Variants in CPXM2 observed in about 807,000 individuals in gnomAD.
The protein encoded by CPXM2 is inactive carboxypeptidase-like protein X2.
CPXM2 carries 66 observed loss-of-function variants against 86.1 expected under a neutral mutation model. The ratio of observed to expected loss-of-function variants is 0.77; its 90% CI spans 0.63 to 0.94. The LOEUF (loss-of-function observed/expected upper bound fraction) is 0.94, where lower values mean the gene tolerates loss of function less well. Ranked by LOEUF, CPXM2 falls within the 40% of genes least tolerant of loss-of-function variation. CPXM2 has a pLI of 0.00. For synonymous variants in CPXM2, 388 were observed against 400.2 expected, an observed-to-expected ratio of 0.97 and a Z score of 0.36; for missense variants, 948 against 1,026.3, an observed-to-expected ratio of 0.92 and a Z score of 1.04.
intron 7 of CPXM2, among the ~76,000 whole-genome samples, chr10:123,778,351 C>T (rs1398216167): frequency 6.6e-6 from 1 of 152,144 alleles, no homozygotes; most frequent in Non-Finnish European, 1.5e-5. Flanking sequence ...TCCCAGGAGC[C>T]AGGAATCCAA....
intron 7 of CPXM2, among the ~76,000 whole-genome samples, chr10:123,772,007 A>C (rs1427627143): frequency 6.6e-6 from 1 of 152,218 alleles, no homozygotes; most frequent in Non-Finnish European, 1.5e-5. Flanking sequence ...ATGAGAATGA[A>C]GGAATACACC....
intron 2 of CPXM2, among the ~76,000 whole-genome samples, chr10:123,868,667 T>A (rs1237194640): frequency 1.3e-5 from 2 of 152,148 alleles, no homozygotes; most frequent in Non-Finnish European, 2.9e-5. Flanking sequence ...AAGGGCTTTT[T>A]AAGACACAAG....
chr10:123,934,944 A>G (rs997179782), intron 2 of CPXM2, among the ~76,000 whole-genome samples: 4 of 152,176 alleles, frequency 2.6e-5, no homozygotes, highest in African/African-American at 9.7e-5. Flanking sequence ...CTCATCATCT[A>G]AAATTACATG....
At chr10:123,862,798 C>T (rs922950428) in intron 2 of CPXM2, 75 bp from the exon 3 acceptor site, 2 of 1,330,424 alleles carry the variant, frequency 1.5e-6, no homozygotes, top group East Asian at 2.4e-5. Context: ...CTAAATCTGG[C>T]CGCGTGCTTT....
chr10:123,821,573 T>C lies in CPXM2; in HGVS notation c.653+20776A>G, dbSNP rs58816840. On this transcript the variant is annotated intron_variant, in intron 4 of 13. Coordinates refer to ENST00000241305, the MANE Select transcript of CPXM2 (RefSeq NM_198148.3). Reference sequence around the variant, plus strand: ...ACCGTGGAATGTCAATTTCCTCACATGTCAGGAAGGCAGGTATACCAATTG... The same window carrying C: ...ACCGTGGAATGTCAATTTCCTCACACGTCAGGAAGGCAGGTATACCAATTG... 8.7e-3 allele frequency among the ~76,000 whole-genome samples: 1,323 copies of C among 152,326 alleles called. 13 individuals are homozygous for C. Among genetic ancestry groups the C allele is most frequent in the African/African-American group, 0.031 (1,279 of 41,568 alleles).
At chr10:123,800,832 T>C (rs1021911570) in intron 4 of CPXM2, among the ~76,000 whole-genome samples, 1 of 152,240 alleles carries the variant, frequency 6.6e-6, no homozygotes, top group African/African-American at 2.4e-5. Context: ...TGAATCGTAA[T>C]TGTTTCTATG....
chr10:123,907,424 A>T (rs1216554330), intron 2 of CPXM2, among the ~76,000 whole-genome samples: 1 of 152,234 alleles, frequency 6.6e-6, no homozygotes, highest in Non-Finnish European at 1.5e-5. Context: ...GACAACACAC[A>T]GAGAAGCGGC....
At chr10:123,937,930 C>A (rs540213758) in intron 2 of CPXM2, among the ~76,000 whole-genome samples, 1 of 152,302 alleles carries the variant, frequency 6.6e-6, no homozygotes, top group African/African-American at 2.4e-5. Flanking sequence ...ATTTCTGGTG[C>A]TAGAGCCTTG....
In CPXM2 at chr10:123,768,525, C is replaced by T. The variant is rs562235853; in HGVS notation, c.1299+1G>A. 5.8e-5 allele frequency: 94 copies of T among 1,610,776 alleles called. 1 individual carries two copies. The South Asian group carries it at 9.8e-4, about 17-fold the overall frequency. On this transcript the variant is annotated splice_donor_variant, in intron 9 of 13. Coordinates refer to ENST00000241305, the MANE Select transcript of CPXM2 (RefSeq NM_198148.3). LOFTEE classifies it high-confidence loss of function. ...TGGGTGAGATGGGCCAGGGCCATTACCCCTTCGTAGGCCTTCTCGTAGCCA... is the reference window on the plus strand; with the variant it reads ...TGGGTGAGATGGGCCAGGGCCATTATCCCTTCGTAGGCCTTCTCGTAGCCA...
chr10:123,767,810 T>C (rs1329778170), intron 9 of CPXM2, among the ~76,000 whole-genome samples: 1 of 152,112 alleles, frequency 6.6e-6, no homozygotes, highest in Non-Finnish European at 1.5e-5. Context: ...ACACAAAATG[T>C]AAAGAACGTA....
intron 2 of CPXM2, among the ~76,000 whole-genome samples, chr10:123,909,446 A>G (rs1945471033): frequency 6.6e-6 from 1 of 152,224 alleles, no homozygotes; most frequent in African/African-American, 2.4e-5. Flanking sequence ...AAGGGAAAGC[A>G]GCTGTATAAT....
At chr10:123,866,104 C>CA (rs1431609840) in intron 2 of CPXM2, among the ~76,000 whole-genome samples, 5 of 152,126 alleles carry the variant, frequency 3.3e-5, no homozygotes. Context: ...TCCACCTTCC[C>CA]CAGGGCAGTC....
chr10:123,763,099 G>A (rs1042394703), intron 10 of CPXM2, among the ~76,000 whole-genome samples: 2 of 152,128 alleles, frequency 1.3e-5, no homozygotes, highest in Admixed American at 1.3e-4. Flanking sequence ...GAGTGCAGTG[G>A]CGCGATCTTG....
chr10:123,842,579 G>A, intron 3 of CPXM2, 91 bp from the exon 4 acceptor site: 6 of 1,275,330 alleles, frequency 4.7e-6, no homozygotes, highest in Non-Finnish European at 5.5e-6. Flanking sequence ...GGAAGGGAGG[G>A]AGGATAGGAG....
At chr10:123,798,734 T>C (rs1215734638) in intron 5 of CPXM2, among the ~76,000 whole-genome samples, 3 of 152,188 alleles carry the variant, frequency 2.0e-5, no homozygotes, top group Non-Finnish European at 4.4e-5. Context: ...GGATCAGGAC[T>C]AAGCTGGAGC....
intron 3 of CPXM2, among the ~76,000 whole-genome samples, chr10:123,844,721 T>C (rs1848462431): frequency 6.6e-6 from 1 of 152,106 alleles, no homozygotes; most frequent in Admixed American, 6.6e-5. Context: ...TTACAATATA[T>C]GAAGACAGAA....
chr10:123,922,544 C>T (rs1945586739), intron 2 of CPXM2, among the ~76,000 whole-genome samples: 1 of 152,246 alleles, frequency 6.6e-6, no homozygotes, highest in Non-Finnish European at 1.5e-5. Context: ...CACTCAGCAG[C>T]AGCCAACCCA....
chr10:123,783,385 C>T (rs1046352440), intron 6 of CPXM2, among the ~76,000 whole-genome samples: 2 of 152,228 alleles, frequency 1.3e-5, no homozygotes, highest in Admixed American at 1.3e-4. Flanking sequence ...GGAATCTATT[C>T]CAGGTGCTTC....
chr10:123,907,421 C>T (rs1945452004), intron 2 of CPXM2, among the ~76,000 whole-genome samples: 1 of 152,204 alleles, frequency 6.6e-6, no homozygotes, highest in South Asian at 2.1e-4. Context: ...GAGGACAACA[C>T]ACAGAGAAGC....
Sources: allele counts gnomAD v4.1 joint callset (sites outside exome capture counted in the v4.1 genomes callset), GRCh38; gene constraint gnomAD v4.1.1; transcripts MANE v1.5; gene names NCBI Gene and HGNC (gene_info 2026-07-23, HGNC 2026-07-21).